The following FILIP1L variants were observed in gnomAD, a reference collection of about 807,000 sequenced individuals.
FILIP1L encodes filamin A-interacting protein 1-like.
A neutral mutation model predicts 96.6 loss-of-function variants in FILIP1L; 55 were observed. That is an observed-to-expected ratio of 0.57 (90% CI 0.46 to 0.71). The LOEUF is 0.71. Ranked by LOEUF, FILIP1L falls within the 30% of genes least tolerant of loss-of-function variation. The pLI is 0.00. For missense variants in FILIP1L, 1,304 were observed against 1,321.2 expected (o/e 0.99, Z 0.20); for synonymous variants, 467 against 473.9 (o/e 0.99, Z 0.19).
intron 4 of FILIP1L, among the ~76,000 whole-genome samples, chr3:99,861,375 G>A (rs1473919724): frequency 6.6e-6 from 1 of 152,222 alleles, no homozygotes; most frequent in African/African-American, 2.4e-5. Flanking sequence ...CTCAGCATGT[G>A]ATGCCTTGTA....
intron 1 of FILIP1L, among the ~76,000 whole-genome samples, chr3:100,063,724 G>C (rs1440149873): frequency 6.9e-6 from 1 of 145,698 alleles, no homozygotes; most frequent in Non-Finnish European, 1.5e-5. Context: ...AGTTTGCAAG[G>C]TTGCAAGAAA....
At chr3:100,038,503 T>C (rs941525294) in intron 1 of FILIP1L, among the ~76,000 whole-genome samples, 12 of 152,228 alleles carry the variant, frequency 7.9e-5, no homozygotes, top group Non-Finnish European at 1.6e-4. Context: ...TAGTTTCTTA[T>C]TGACTGTTCG....
chr3:99,878,598 C>A (rs986987298), intron 4 of FILIP1L, among the ~76,000 whole-genome samples: 6 of 152,204 alleles, frequency 3.9e-5, no homozygotes, highest in African/African-American at 1.4e-4. Context: ...ATTTTCTAGA[C>A]TGAATCTTGA....
At position 99,983,426 on chromosome 3, in the gene FILIP1L, ATGTATG is replaced by A. The variant is rs1559713480; in HGVS notation, c.-10-52402_-10-52397del. Among the ~76,000 whole-genome samples, 10 of 82,798 alleles carry A rather than the reference ATGTATG, an allele frequency of 1.2e-4. 1 individual carries two copies. Among genetic ancestry groups the A allele is most frequent in the African/African-American group, 5.2e-4 (9 of 17,444 alleles). The allele number at this position is 82,798 out of a possible 152,430, so 54.3% of individuals were successfully genotyped here. On this transcript the variant is annotated intron_variant, in intron 1 of 5. Coordinates refer to ENST00000477258, the MANE Select transcript of FILIP1L (RefSeq NM_001387850.1). ...TATATATATATATATATATGTATGTATGTATGTATATATATGTATGTATATATATAT... is the reference window on the plus strand; with the variant it reads ...TATATATATATATATATATGTATGTATATATATATGTATGTATATATATAT...
At chr3:99,858,837 G>C (rs530003170) in intron 4 of FILIP1L, among the ~76,000 whole-genome samples, 4 of 152,218 alleles carry the variant, frequency 2.6e-5, no homozygotes, top group African/African-American at 9.6e-5. Flanking sequence ...TGAAACATCA[G>C]TGGCAAATTT....
At chr3:100,085,204 G>A (rs950687369) in intron 1 of FILIP1L, among the ~76,000 whole-genome samples, 4 of 152,144 alleles carry the variant, frequency 2.6e-5, no homozygotes, top group African/African-American at 7.2e-5. Context: ...TGATTATACC[G>A]TACAACCAAC....
At chr3:100,054,761 T>A (rs1014830826) in intron 1 of FILIP1L, among the ~76,000 whole-genome samples, 2 of 152,200 alleles carry the variant, frequency 1.3e-5, no homozygotes, top group African/African-American at 4.8e-5. Flanking sequence ...TGGGATGAGA[T>A]GCACAACTTC....
intron 4 of FILIP1L, among the ~76,000 whole-genome samples, chr3:99,870,245 A>G (rs1944723097): frequency 6.6e-6 from 1 of 152,134 alleles, no homozygotes; most frequent in Non-Finnish European, 1.5e-5. Context: ...CAGAGCTAAG[A>G]AGAGTAGAAC....
At chr3:99,929,709 A>C in intron 3 of FILIP1L, 147 bp downstream of exon 3, 1 of 551,424 alleles carries the variant, frequency 1.8e-6, no homozygotes. Flanking sequence ...TTCCTATTGA[A>C]CTTGTCGTAT....
At chr3:99,958,203 CATTATTATTATTATTATTATTATT>C (rs71688408) in intron 1 of FILIP1L, among the ~76,000 whole-genome samples, 8 of 132,708 alleles carry the variant, frequency 6.0e-5, no homozygotes, top group Non-Finnish European at 1.1e-4. Flanking sequence ...GCCCTGCATG[CATTATTATTATTATTATTATTATT>C]ATTATTATTA....
Position 99,830,578 on chromosome 3 carries a change from G to T in FILIP1L, c.3409C>A (p.Pro1137Thr). 2.2e-6 allele frequency: 1 copy of T among 456,558 alleles called. No homozygotes were observed. Among genetic ancestry groups the T allele is most frequent in the South Asian group, 1.5e-5 (1 of 64,558 alleles). The allele number at this position is 456,558 out of a possible 1,614,324, so 28.3% of individuals were successfully genotyped here. ...TIKEVCKQRI[P>T]ARIPKPKSTG... ...GATTTCGGTTTAGGGATCCGTGCTG[G>T]GATTCTCTGCTTGCATACCTCCTTG... is the stretch of plus-strand genomic sequence containing the variant. The change falls in exon 6 of 6, where the codon CCA becomes ACA. Residue 1137 changes from proline (P) to threonine (T), a missense_variant. By Grantham distance (38) the Pro-to-Thr change is conservative. Coordinates refer to ENST00000477258, the MANE Select transcript of FILIP1L (RefSeq NM_001387850.1).
intron 1 of FILIP1L, among the ~76,000 whole-genome samples, chr3:100,081,832 T>C (rs2065936520): frequency 6.6e-6 from 1 of 152,162 alleles, no homozygotes; most frequent in South Asian, 2.1e-4. Flanking sequence ...GGCTGTCCTG[T>C]GCATTGTAGG....
At chr3:99,986,998 G>A (rs1709360555) in intron 1 of FILIP1L, among the ~76,000 whole-genome samples, 3 of 151,904 alleles carry the variant, frequency 2.0e-5, no homozygotes, top group African/African-American at 7.3e-5. Flanking sequence ...GGAGGCTGAG[G>A]TAGGAGGACT....
intron 4 of FILIP1L, among the ~76,000 whole-genome samples, chr3:99,913,931 C>G (rs914440844): frequency 2.0e-5 from 3 of 152,040 alleles, no homozygotes; most frequent in South Asian, 4.1e-4. Context: ...CTGAGAAATT[C>G]ATGGAAATAA....
intron 1 of FILIP1L, among the ~76,000 whole-genome samples, chr3:100,067,113 A>T (rs547354378): frequency 1.3e-5 from 2 of 152,140 alleles, no homozygotes; most frequent in Middle Eastern, 3.2e-3. Context: ...GGCACCAGTC[A>T]CCTAGAATAC....
chr3:99,964,358 T>C (rs1461750591), intron 1 of FILIP1L: 8 of 149,134 alleles, frequency 5.4e-5, no homozygotes, highest in South Asian at 2.2e-4. Flanking sequence ...CTTAGGGATT[T>C]CTAAGTCTCT....
At chr3:99,954,624 G>A (rs557555612) in intron 1 of FILIP1L, among the ~76,000 whole-genome samples, 5 of 152,164 alleles carry the variant, frequency 3.3e-5, no homozygotes, top group East Asian at 1.9e-4. Flanking sequence ...TCAGGAGTTC[G>A]AGACCAGCCT....
At chr3:99,878,734 C>T (rs773111240) in intron 4 of FILIP1L, among the ~76,000 whole-genome samples, 29 of 152,128 alleles carry the variant, frequency 1.9e-4, no homozygotes, top group Non-Finnish European at 1.8e-4. Flanking sequence ...TCACTTCAAA[C>T]GAAAGTCAAG....
At chr3:99,948,329 A>G (rs1708071362) in intron 1 of FILIP1L, among the ~76,000 whole-genome samples, 1 of 152,000 alleles carries the variant, frequency 6.6e-6, no homozygotes, top group Non-Finnish European at 1.5e-5. Flanking sequence ...TGTCTCTCCA[A>G]AAAAATAAAA....
Sources: gnomAD v4.1 joint callset for allele counts (sites outside exome capture counted in the v4.1 genomes callset) on GRCh38, gnomAD v4.1.1 for gene constraint, MANE v1.5 for transcripts, NCBI Gene and HGNC (gene_info 2026-07-23, HGNC 2026-07-21) for gene names.